The following INPP4B variants were observed in gnomAD, a reference collection of about 807,000 sequenced individuals.
INPP4B encodes the protein inositol polyphosphate-4-phosphatase type II B.
A neutral mutation model predicts 122.5 loss-of-function variants in INPP4B; 55 were observed. That is an observed-to-expected ratio of 0.45 (90% CI 0.36 to 0.56). INPP4B has a LOEUF of 0.56. INPP4B is among the 20% of genes least tolerant of loss of function. INPP4B has a pLI of 0.00. For synonymous variants in INPP4B, 403 were observed against 388.7 expected (o/e 1.04, Z -0.43); for missense variants, 1,000 against 1,097.7 (o/e 0.91, Z 1.26).
intron 10 of INPP4B, among the ~76,000 whole-genome samples, chr4:142,263,659 T>TAG (rs1239092026): frequency 6.9e-5 from 6 of 86,852 alleles, no homozygotes; most frequent in Admixed American, 6.9e-4. Flanking sequence ...TATATATATA[T>TAG]ATATATATAT....
Position 142,145,991 on chromosome 4 carries a change from C to T in INPP4B, c.1569G>A (p.Arg523=), listed in dbSNP as rs1418801273. ...HSDYDEEEWD[R]VWANVGKSLN... is the part of the protein sequence containing the mutation. ...GGCTCTTCCCCACATTGGCCCACAC[C>T]CTGTCCTGAAAAAAGCATGAGTATC... Residue 523 remains arginine, a synonymous_variant, in exon 18 of 26, where the codon AGG becomes AGA. Transcript: ENST00000262992. 13 of 1,610,654 alleles carry T rather than the reference C, an allele frequency of 8.1e-6. No individual in the cohort carries two copies. Among genetic ancestry groups the T allele is most frequent in the Admixed American group, 1.7e-5 (1 of 59,592 alleles).
At chr4:142,329,341 G>T (rs1773609547) in intron 7 of INPP4B, among the ~76,000 whole-genome samples, 2 of 152,124 alleles carry the variant, frequency 1.3e-5, no homozygotes, top group South Asian at 2.1e-4. Flanking sequence ...CAAGTGCAAA[G>T]GCACTGAGGC....
intron 19 of INPP4B, among the ~76,000 whole-genome samples, chr4:142,124,264 G>T (rs1008228988): frequency 6.6e-6 from 1 of 152,134 alleles, no homozygotes; most frequent in Non-Finnish European, 1.5e-5. Context: ...CAAGTCAACA[G>T]TCCCTTCCCT....
chr4:142,303,874 A>C (rs1762405303), intron 9 of INPP4B, among the ~76,000 whole-genome samples: 1 of 152,130 alleles, frequency 6.6e-6, no homozygotes, highest in African/African-American at 2.4e-5. Flanking sequence ...GTAATACCCT[A>C]AACTTGACCC....
chr4:142,829,327 G>A (rs932463255), intron 1 of INPP4B, among the ~76,000 whole-genome samples: 5 of 152,076 alleles, frequency 3.3e-5, no homozygotes, highest in Non-Finnish European at 5.9e-5. Flanking sequence ...TTTAGCCAAT[G>A]TGGAGCACAG....
At chr4:142,310,325 T>G (rs999355011) in intron 8 of INPP4B, among the ~76,000 whole-genome samples, 5 of 152,162 alleles carry the variant, frequency 3.3e-5, no homozygotes, top group Admixed American at 3.3e-4. Context: ...ATATATAATT[T>G]ATTGTATTGA....
At chr4:142,168,150 G>T (rs1161554972) in intron 16 of INPP4B, among the ~76,000 whole-genome samples, 1 of 151,376 alleles carries the variant, frequency 6.6e-6, no homozygotes, top group Non-Finnish European at 1.5e-5. Context: ...ACTTGATTAT[G>T]ATGTACTTGA....
chr4:142,551,002 A>G (rs77348095), intron 2 of INPP4B, among the ~76,000 whole-genome samples: 1,681 of 152,304 alleles, frequency 0.011, 12 homozygotes, highest in Non-Finnish European at 0.016. Context: ...TTGATACAAA[A>G]TAGGAAGCGA....
intron 1 of INPP4B, among the ~76,000 whole-genome samples, chr4:142,741,469 C>T (rs1767890401): frequency 6.6e-6 from 1 of 151,980 alleles, no homozygotes; most frequent in African/African-American, 2.4e-5. Flanking sequence ...CACCAGGCCC[C>T]ATCTCCAATA....
At chr4:142,068,128 A>T (rs765155270) in intron 25 of INPP4B, among the ~76,000 whole-genome samples, 43 of 152,244 alleles carry the variant, frequency 2.8e-4, no homozygotes, top group Non-Finnish European at 4.1e-4. Context: ...CTAACAGCGG[A>T]TCTCTCAGCA....
At chr4:142,834,272 A>AT (rs1432430489) in intron 1 of INPP4B, among the ~76,000 whole-genome samples, 1 of 152,230 alleles carries the variant, frequency 6.6e-6, no homozygotes, top group African/African-American at 2.4e-5. Flanking sequence ...ATGAATCCAG[A>AT]TTTTGTAACA....
At chr4:142,699,914 C>G (rs189271954) in intron 2 of INPP4B, among the ~76,000 whole-genome samples, 5 of 152,272 alleles carry the variant, frequency 3.3e-5, no homozygotes, top group Non-Finnish European at 5.9e-5. Flanking sequence ...TCAAGGGCAT[C>G]ATTTTAGCAT....
At chr4:142,518,255 A>C (rs891667331) in intron 2 of INPP4B, among the ~76,000 whole-genome samples, 2 of 152,140 alleles carry the variant, frequency 1.3e-5, no homozygotes, top group African/African-American at 4.8e-5. Context: ...CACCATCTTG[A>C]TGTGTGACAC....
intron 17 of INPP4B, among the ~76,000 whole-genome samples, chr4:142,156,987 G>A (rs556689142): frequency 2.0e-5 from 3 of 152,150 alleles, no homozygotes; most frequent in African/African-American, 4.8e-5. Flanking sequence ...ATTTGCAAAC[G>A]TAAGCCAATT....
chr4:142,435,089 CAT>C (rs1390130677), intron 3 of INPP4B, among the ~76,000 whole-genome samples: 1 of 152,110 alleles, frequency 6.6e-6, no homozygotes, highest in African/African-American at 2.4e-5. Context: ...CCCAGTAACA[CAT>C]GAGACAAATG....
At chr4:142,129,415 A>G (rs1365096352) in intron 18 of INPP4B, among the ~76,000 whole-genome samples, 3 of 152,178 alleles carry the variant, frequency 2.0e-5, no homozygotes, top group East Asian at 3.9e-4. Context: ...TTCAGGCACA[A>G]TTTTGCAGTG....
At chr4:142,790,122 A>T (rs1194759341) in intron 1 of INPP4B, among the ~76,000 whole-genome samples, 1 of 152,158 alleles carries the variant, frequency 6.6e-6, no homozygotes, top group African/African-American at 2.4e-5. Flanking sequence ...TGAAACTATA[A>T]AAATTCTAGA....
At chr4:142,631,216 A>G (rs1366201272) in intron 2 of INPP4B, among the ~76,000 whole-genome samples, 1 of 152,098 alleles carries the variant, frequency 6.6e-6, no homozygotes, top group Non-Finnish European at 1.5e-5. Flanking sequence ...GAAGGACAAG[A>G]CTGGATATTT....
At chr4:142,616,242 T>C (rs1247125806) in intron 2 of INPP4B, among the ~76,000 whole-genome samples, 1 of 152,142 alleles carries the variant, frequency 6.6e-6, no homozygotes, top group Non-Finnish European at 1.5e-5. Flanking sequence ...TCTTCTCTTC[T>C]TTGGTAGTTT....
Sources: allele counts gnomAD v4.1 joint callset (sites outside exome capture counted in the v4.1 genomes callset), GRCh38; gene constraint gnomAD v4.1.1; transcripts MANE v1.5; gene names NCBI Gene and HGNC (gene_info 2026-07-23, HGNC 2026-07-21).